The following MAPK10 variants were observed in gnomAD, a reference collection of about 807,000 sequenced individuals.
MAPK10 encodes the protein mitogen-activated protein kinase 10.
A neutral mutation model predicts 59.3 loss-of-function variants in MAPK10; 25 were observed. The observed-to-expected ratio is 0.42, with a 90% CI of 0.31 to 0.59. The LOEUF is 0.59. MAPK10 is among the 20% of genes least tolerant of loss of function. MAPK10 has a pLI of 0.15. For synonymous variants in MAPK10, 190 were observed against 200.5 expected (o/e 0.95, Z 0.44); for missense variants, 351 against 568.9 (o/e 0.62, Z 3.90).
chr4:86,021,318 C>A (rs1356238894), intron 13 of MAPK10, among the ~76,000 whole-genome samples: 1 of 150,530 alleles, frequency 6.6e-6, no homozygotes, highest in Non-Finnish European at 1.5e-5. Flanking sequence ...GGTGCACTCA[C>A]AAACCCTGAG....
chr4:86,357,152 T>A (rs1734926055), intron 1 of MAPK10: 1 of 152,206 alleles, frequency 6.6e-6, no homozygotes, highest in Non-Finnish European at 1.5e-5. Flanking sequence ...CTTTGAGTCC[T>A]TTATTCTGAT....
At chr4:86,469,627 A>T (rs1752503626) in intron 1 of MAPK10, among the ~76,000 whole-genome samples, 1 of 152,206 alleles carries the variant, frequency 6.6e-6, no homozygotes, top group Non-Finnish European at 1.5e-5. Context: ...AATACCTCCT[A>T]CTATGGTTAT....
chr4:86,520,176 G>A (rs1757009285), intron 1 of MAPK10, among the ~76,000 whole-genome samples: 1 of 152,134 alleles, frequency 6.6e-6, no homozygotes, highest in Admixed American at 6.5e-5. Flanking sequence ...AGCAAAACCA[G>A]GGAAGTTTTC....
chr4:86,393,579 A>G (rs1742519383), intron 1 of MAPK10, among the ~76,000 whole-genome samples: 1 of 152,210 alleles, frequency 6.6e-6, no homozygotes, highest in African/African-American at 2.4e-5. Context: ...TTGTGGCACT[A>G]AACTACAATG....
chr4:86,210,153 G>A (rs892598823), intron 2 of MAPK10, among the ~76,000 whole-genome samples: 1 of 152,030 alleles, frequency 6.6e-6, no homozygotes, highest in African/African-American at 2.4e-5. Flanking sequence ...TTAAATGTAA[G>A]ACCTCAAACT....
At chr4:86,418,969 A>G (rs1746177479) in intron 1 of MAPK10, among the ~76,000 whole-genome samples, 1 of 152,182 alleles carries the variant, frequency 6.6e-6, no homozygotes, top group Non-Finnish European at 1.5e-5. Context: ...ATGCAAAGGG[A>G]TAAGAACGGT....
At chr4:86,076,593 C>G (rs1442513055) in intron 9 of MAPK10, among the ~76,000 whole-genome samples, 1 of 152,140 alleles carries the variant, frequency 6.6e-6, no homozygotes, top group East Asian at 1.9e-4. Flanking sequence ...TGTGTTTTGT[C>G]ACAAGCAACT....
chr4:86,117,867 T>C (rs993797356), intron 4 of MAPK10: 6 of 152,198 alleles, frequency 3.9e-5, no homozygotes, highest in East Asian at 3.9e-4. Context: ...AGAGTAGCCA[T>C]GGCAACAGTA....
At chr4:86,353,650 A>G (rs1242142071) in intron 2 of MAPK10, among the ~76,000 whole-genome samples, 1 of 152,174 alleles carries the variant, frequency 6.6e-6, no homozygotes, top group Non-Finnish European at 1.5e-5. Flanking sequence ...CTCTAGGATT[A>G]ATTTCATCAG....
intron 1 of MAPK10, among the ~76,000 whole-genome samples, chr4:86,479,622 T>C (rs12642336): frequency 6.6e-6 from 1 of 152,180 alleles, no homozygotes; most frequent in East Asian, 1.9e-4. Context: ...TGTCTCCTGG[T>C]GCTATCCCCA....
At chr4:86,174,072 A>G (rs967210070) in intron 3 of MAPK10, among the ~76,000 whole-genome samples, 3 of 152,208 alleles carry the variant, frequency 2.0e-5, no homozygotes, top group African/African-American at 7.2e-5. Context: ...GTAATTCCTC[A>G]AGGATCTAGA....
chr4:86,584,423 A>G (rs1762523697), intron 1 of MAPK10, among the ~76,000 whole-genome samples: 1 of 152,138 alleles, frequency 6.6e-6, no homozygotes, highest in Non-Finnish European at 1.5e-5. Context: ...TCCTGGAAAT[A>G]TTGGGAGTGG....
intron 9 of MAPK10, chr4:86,079,965 A>G (rs1018583017): frequency 1.3e-5 from 2 of 152,080 alleles, no homozygotes; most frequent in Non-Finnish European, 2.9e-5. Context: ...CTCTGCAGCT[A>G]TTATCACCTT....
At chr4:86,547,900 T>C (rs966265263) in intron 1 of MAPK10, among the ~76,000 whole-genome samples, 1 of 152,134 alleles carries the variant, frequency 6.6e-6, no homozygotes, top group Non-Finnish European at 1.5e-5. Flanking sequence ...AACCTTTATG[T>C]CTAGCTCAGG....
At chr4:86,175,024 A>T (rs1314406507) in intron 3 of MAPK10, among the ~76,000 whole-genome samples, 2 of 152,176 alleles carry the variant, frequency 1.3e-5, no homozygotes, top group South Asian at 4.1e-4. Flanking sequence ...CTACACATTC[A>T]CAATTTGTCT....
chr4:86,359,288 CTGTGTG>C (rs1554248575), intron 1 of MAPK10, among the ~76,000 whole-genome samples: 43 of 94,620 alleles, frequency 4.5e-4, no homozygotes, highest in Admixed American at 7.5e-4. Flanking sequence ...CTCTCTCTCT[CTGTGTG>C]TGTGTGTGTG....
chr4:86,198,236 C>G (rs572348220), intron 2 of MAPK10, among the ~76,000 whole-genome samples: 3 of 151,798 alleles, frequency 2.0e-5, no homozygotes, highest in Admixed American at 6.6e-5. Flanking sequence ...GATCTAATGA[C>G]TATGGGGCGG....
At chr4:86,525,068 C>T (rs562669548) in intron 1 of MAPK10, among the ~76,000 whole-genome samples, 11 of 152,166 alleles carry the variant, frequency 7.2e-5, no homozygotes, top group South Asian at 4.2e-4. Context: ...GAGGCTGACA[C>T]GGGCAGATCG....
chr4:86,023,850 T>TATATAA (rs1241006302), intron 13 of MAPK10: 2 of 112,762 alleles, frequency 1.8e-5, no homozygotes, highest in East Asian at 3.3e-4. Flanking sequence ...TATATATATA[T>TATATAA]AAAATGAATG....
Sources: gnomAD v4.1 joint callset for allele counts (sites outside exome capture counted in the v4.1 genomes callset) on GRCh38, gnomAD v4.1.1 for gene constraint, MANE v1.5 for transcripts, NCBI Gene and HGNC (gene_info 2026-07-23, HGNC 2026-07-21) for gene names.